Variants in CNTLN observed in about 807,000 individuals in gnomAD.
The protein encoded by CNTLN is centlein, centrosomal protein.
Under a neutral mutation model 180.0 loss-of-function variants are expected in CNTLN, and 212 were observed. The ratio of observed to expected loss-of-function variants is 1.18; its 90% confidence interval spans 1.05 to 1.32. The LOEUF (loss-of-function observed/expected upper bound fraction) is 1.32, where lower values mean the gene tolerates loss of function less well. CNTLN is among the 40% of genes most tolerant of loss of function. The probability of loss-of-function intolerance (pLI) is 0.00; values close to 1 mark genes in which losing one functional copy is unlikely to be tolerated. For missense variants in CNTLN, 2,095 were observed against 1,610.9 expected (o/e 1.30, Z -5.14); for synonymous variants, 722 against 563.1 (o/e 1.28, Z -3.99).
chr9:17,299,330 T>G (rs1301521803), intron 7 of CNTLN: 5 of 302,626 alleles, frequency 1.7e-5, no homozygotes, highest in African/African-American at 2.3e-5. Context: ...AATAATGTAG[T>G]TTATATAGTG....
At chr9:17,169,532 A>C (rs1358089352) in intron 2 of CNTLN, among the ~76,000 whole-genome samples, 1 of 152,110 alleles carries the variant, frequency 6.6e-6, no homozygotes, top group African/African-American at 2.4e-5. Context: ...TGTGATTTCA[A>C]GTCTTAGGAT....
At chr9:17,480,987 C>G (rs761627026) in intron 23 of CNTLN, among the ~76,000 whole-genome samples, 1 of 152,172 alleles carries the variant, frequency 6.6e-6, no homozygotes, top group Non-Finnish European at 1.5e-5. Context: ...GGGAGCCAAG[C>G]TGACAATCTT....
the CNTLN span, among the ~76,000 whole-genome samples, chr9:17,516,251 T>C: frequency 2.0e-5 from 3 of 152,214 alleles, no homozygotes; most frequent in Admixed American, 2.0e-4. Context: ...TGGTACCATG[T>C]TGCACATATC....
chr9:17,166,730 A>T, intron 2 of CNTLN: 1 of 262,246 alleles, frequency 3.8e-6, no homozygotes. Flanking sequence ...AAAATTCTAT[A>T]ACCAGCCAGA....
At chr9:17,430,164 T>C (rs1461840682) in intron 18 of CNTLN, among the ~76,000 whole-genome samples, 2 of 151,938 alleles carry the variant, frequency 1.3e-5, no homozygotes, top group Non-Finnish European at 2.9e-5. Flanking sequence ...TAATATAAAA[T>C]AAATGATCTC....
chr9:17,458,277 G>A (rs1286329272), intron 19 of CNTLN, among the ~76,000 whole-genome samples: 1 of 151,780 alleles, frequency 6.6e-6, no homozygotes. Context: ...TAAAAGTAAG[G>A]CTGTCCTTAG....
intron 2 of CNTLN, among the ~76,000 whole-genome samples, chr9:17,203,742 A>T (rs1360362294): frequency 6.6e-6 from 1 of 152,100 alleles, no homozygotes; most frequent in African/African-American, 2.4e-5. Context: ...ATTTTTTAGT[A>T]GAGACGGGGT....
At chr9:17,208,884 G>C (rs1823100069) in intron 2 of CNTLN, among the ~76,000 whole-genome samples, 1 of 151,912 alleles carries the variant, frequency 6.6e-6, no homozygotes, top group Non-Finnish European at 1.5e-5. Context: ...ATTTGTCAAT[G>C]TTATGTATCT....
At chr9:17,276,128 A>T (rs988123594) in intron 6 of CNTLN, among the ~76,000 whole-genome samples, 3 of 152,132 alleles carry the variant, frequency 2.0e-5, no homozygotes, top group African/African-American at 4.8e-5. Context: ...CCCTGTATCT[A>T]ACATAAAAGT....
At chr9:17,220,060 T>C (rs1824028451) in intron 2 of CNTLN, among the ~76,000 whole-genome samples, 1 of 152,124 alleles carries the variant, frequency 6.6e-6, no homozygotes, top group Non-Finnish European at 1.5e-5. Context: ...CATAGCACCT[T>C]GTTAAACACA....
intron 7 of CNTLN, among the ~76,000 whole-genome samples, chr9:17,306,478 G>A (rs1344758076): frequency 1.3e-5 from 2 of 152,176 alleles, no homozygotes; most frequent in South Asian, 2.1e-4. Flanking sequence ...CAAGGCAGAA[G>A]TTAGATGAGA....
chr9:17,312,742 A>G (rs888319623), intron 8 of CNTLN, among the ~76,000 whole-genome samples: 1 of 151,966 alleles, frequency 6.6e-6, no homozygotes, highest in African/African-American at 2.4e-5. Context: ...AAAGCCAAGC[A>G]TATTGTTTTG....
intron 7 of CNTLN, among the ~76,000 whole-genome samples, chr9:17,306,681 G>A (rs988326566): frequency 6.6e-6 from 1 of 152,130 alleles, no homozygotes; most frequent in Non-Finnish European, 1.5e-5. Context: ...TAGGATAGAA[G>A]GTATGTAGTT....
chr9:17,301,645 G>T, intron 7 of CNTLN: 1 of 976,426 alleles, frequency 1.0e-6, no homozygotes, highest in Non-Finnish European at 1.2e-6. Flanking sequence ...AGTTGTTTTA[G>T]ATGCTTGTAG....
chr9:17,244,437 C>T (rs1426304654), intron 5 of CNTLN, among the ~76,000 whole-genome samples: 1 of 152,086 alleles, frequency 6.6e-6, no homozygotes, highest in East Asian at 1.9e-4. Flanking sequence ...AGACTAGTCT[C>T]AAACTCCTGG....
intron 7 of CNTLN, chr9:17,301,733 A>G: frequency 1.1e-6 from 1 of 949,318 alleles, no homozygotes; most frequent in Non-Finnish European, 1.3e-6. Flanking sequence ...ATTCTTTATA[A>G]ATTTTGTCTA....
intron 12 of CNTLN, among the ~76,000 whole-genome samples, chr9:17,347,486 T>C (rs2133258595): frequency 6.6e-6 from 1 of 152,112 alleles, no homozygotes; most frequent in Middle Eastern, 3.4e-3. Flanking sequence ...CTGGACAACA[T>C]GGTGAAACCC....
At chr9:17,208,056 A>G (rs1368591904) in intron 2 of CNTLN, among the ~76,000 whole-genome samples, 1 of 152,152 alleles carries the variant, frequency 6.6e-6, no homozygotes, top group Non-Finnish European at 1.5e-5. Context: ...TCTTAGAGGA[A>G]AGACTTACAG....
At chr9:17,505,901 T>G (rs1382512919), downstream of CNTLN, among the ~76,000 whole-genome samples, 1 of 151,848 alleles carries the variant, frequency 6.6e-6, no homozygotes, top group Non-Finnish European at 1.5e-5. Flanking sequence ...TAATCAGGAG[T>G]GTGTGGTGCT....
Sources: allele counts gnomAD v4.1 joint callset (sites outside exome capture counted in the v4.1 genomes callset), GRCh38; gene constraint gnomAD v4.1.1; transcripts MANE v1.5; gene names NCBI Gene and HGNC (gene_info 2026-07-23, HGNC 2026-07-21).